The following ANGPT2 variants were observed in gnomAD, a reference collection of about 807,000 sequenced individuals.
The protein encoded by ANGPT2 is angiopoietin 2.
In ANGPT2, 28 loss-of-function variants were observed where a neutral mutation model predicts 62.9. The ratio of observed to expected loss-of-function variants is 0.44; its 90% CI spans 0.33 to 0.61. The LOEUF (loss-of-function observed/expected upper bound fraction) is 0.61. Ranked by LOEUF, ANGPT2 falls within the 20% of genes least tolerant of loss-of-function variation. The probability of loss-of-function intolerance (pLI) is 0.03; values close to 1 mark genes in which losing one functional copy is unlikely to be tolerated. For synonymous variants in ANGPT2, 284 were observed against 207.8 expected, an observed-to-expected ratio of 1.37 and a Z score of -3.15; for missense variants, 727 against 594.9, an observed-to-expected ratio of 1.22 and a Z score of -2.31.
chr8:6,503,268 A>C lies in ANGPT2; in HGVS notation c.1328-7T>G. On this transcript the variant is annotated splice_region_variant and splice_polypyrimidine_tract_variant and intron_variant, in intron 8 of 8. Transcript: ENST00000629816. ...CATGCATCAAACCACCAGCCTGTGA[A>C]AGTAAAACACAGAAGGAATTAGGAA... The C allele has an allele frequency of 6.2e-7, 1 of 1,614,074 alleles. No homozygotes were observed. Among genetic ancestry groups the C allele is most frequent in the Non-Finnish European group, 8.5e-7 (1 of 1,180,004 alleles).
intron 7 of ANGPT2, 41 bp from the exon 8 acceptor site, chr8:6,509,103 A>T: frequency 6.3e-7 from 1 of 1,596,892 alleles, no homozygotes. Context: ...GGCTAGGGTC[A>T]TTGATTTACC....
chr8:6,528,105 C>G (rs551941295), intron 2 of ANGPT2, among the ~76,000 whole-genome samples: 20 of 152,194 alleles, frequency 1.3e-4, no homozygotes, highest in African/African-American at 4.8e-4. Flanking sequence ...CCATGTTGGC[C>G]AGGCTGGTCT....
At position 6,521,270 on chromosome 8, in the gene ANGPT2, G is replaced by A. The variant is rs1319667380; in HGVS notation, c.707C>T (p.Thr236Ile). Residue 236 changes from threonine to isoleucine, a missense_variant, in exon 4 of 9, where the codon ACT (threonine) becomes ATT (isoleucine). Coordinates refer to ENST00000629816, the MANE Select transcript of ANGPT2 (RefSeq NM_001118887.2). ...AAGAACTGAATTATTCACCGTGGCA[G>A]TCACTATTTTTTTTTCTAGTTCTTC... ...IIEELEKKIV[T>I]ATVNNSVLQK... 3 of 1,613,900 alleles carry A rather than the reference G, an allele frequency of 1.9e-6. No homozygotes were observed. Among genetic ancestry groups the A allele is most frequent in the South Asian group, 2.2e-5 (2 of 91,076 alleles).
intron 7 of ANGPT2, 131 bp downstream of exon 7, chr8:6,513,547 A>G (rs1815624120): frequency 1.7e-6 from 1 of 580,960 alleles, no homozygotes; most frequent in East Asian, 3.6e-5. Context: ...GTTTGCCAGG[A>G]TGGTCTCAAT....
chr8:6,556,573 G>T (rs1824645519), intron 1 of ANGPT2, among the ~76,000 whole-genome samples: 1 of 152,022 alleles, frequency 6.6e-6, no homozygotes, highest in African/African-American at 2.4e-5. Context: ...TCTGACCAAA[G>T]CATAGTGTCC....
intron 7 of ANGPT2, among the ~76,000 whole-genome samples, chr8:6,513,025 C>A (rs1425246128): frequency 1.3e-5 from 2 of 152,208 alleles, no homozygotes; most frequent in African/African-American, 2.4e-5. Flanking sequence ...CACAAGTATC[C>A]ATCATTTATG....
rs186036129 is a variant in ANGPT2 at position 6,556,100 on chromosome 8, A to T, written c.288+6547T>A. On this transcript the variant is annotated intron_variant, in intron 1 of 8. Transcript: ENST00000629816. ...TCCCAGTGGGCGAGAATTGCTGCCA[A>T]GACTAACCAAGGGTGTCAACCAGTG... is the stretch of plus-strand genomic sequence containing the variant. Among the ~76,000 whole-genome samples, 94 of 152,242 alleles carry T rather than the reference A, an allele frequency of 6.2e-4. No homozygotes were observed. The East Asian group carries it at 0.018, about 29-fold the overall frequency.
At chr8:6,539,839 G>C (rs1821217014) in intron 1 of ANGPT2, among the ~76,000 whole-genome samples, 1 of 152,148 alleles carries the variant, frequency 6.6e-6, no homozygotes, top group Admixed American at 6.5e-5. Context: ...TGCCTGCCTT[G>C]GCCTCCCAAA....
rs770855562 is a variant in ANGPT2 at position 6,563,197 on chromosome 8, A to G, written c.-263T>C. 9.4e-6 allele frequency: 3 copies of G among 319,662 alleles called. No homozygotes were observed. Among genetic ancestry groups the G allele is most frequent in the Admixed American group, 4.1e-5 (1 of 24,430 alleles). The allele number at this position is 319,662 out of a possible 1,614,324, so 19.8% of individuals were successfully genotyped here. A position where few individuals can be genotyped will look rare whatever the true frequency, so the allele number is the denominator to read the frequency against. On this transcript the variant is annotated 5_prime_UTR_variant, in exon 1 of 9. Coordinates refer to ENST00000629816, the MANE Select transcript of ANGPT2 (RefSeq NM_001118887.2). ...AGGGCTGTGTCAGCTTTTACAGAGC[A>G]GCTTTCACGGTCCTTTGTTCCTCTC...
chr8:6,562,503 G>A (rs1825683644), intron 1 of ANGPT2, 144 bp downstream of exon 1: 1 of 634,752 alleles, frequency 1.6e-6, no homozygotes, highest in Non-Finnish European at 2.4e-6. Flanking sequence ...TCTTTCATTT[G>A]AGGGTACCAG....
At position 6,499,821 on chromosome 8, in the gene ANGPT2, A is replaced by G. The variant is rs376468118; in HGVS notation, c.*3280T>C. 7.5e-6 allele frequency: 12 copies of G among 1,601,496 alleles called. No individual in the cohort carries two copies. Among genetic ancestry groups the G allele is most frequent in the East Asian group, 2.2e-5 (1 of 44,804 alleles). On this transcript the variant is annotated 3_prime_UTR_variant, in exon 9 of 9. Coordinates refer to ENST00000629816, the MANE Select transcript of ANGPT2 (RefSeq NM_001118887.2). ...ATTGCCTGCTAAGGCTAATAAATGT[A>G]TAATAAATCTGCTTGTTGTGTCACT...
At chr8:6,555,967 C>G (rs1441455920) in intron 1 of ANGPT2, among the ~76,000 whole-genome samples, 1 of 152,116 alleles carries the variant, frequency 6.6e-6, no homozygotes, top group Admixed American at 6.5e-5. Context: ...GAGGTGAGAA[C>G]AAAGCTGTGC....
chr8:6,528,605 A>ACCT (rs1818831595), intron 2 of ANGPT2, among the ~76,000 whole-genome samples: 1 of 152,200 alleles, frequency 6.6e-6, no homozygotes, highest in African/African-American at 2.4e-5. Context: ...GGCCTTTGTG[A>ACCT]GCTACTGCGT....
intron 1 of ANGPT2, among the ~76,000 whole-genome samples, chr8:6,551,924 T>G: frequency 6.6e-6 from 1 of 152,358 alleles, no homozygotes; most frequent in Non-Finnish European, 1.5e-5. Context: ...AATAATTTTT[T>G]GAGATTCCAA....
intron 1 of ANGPT2, among the ~76,000 whole-genome samples, chr8:6,535,722 A>T (rs1820362711): frequency 6.6e-6 from 1 of 152,160 alleles, no homozygotes; most frequent in Non-Finnish European, 1.5e-5. Context: ...AGAACCAAAA[A>T]TGTGCAGTAG....
At chr8:6,534,288 T>C (rs1220071676) in intron 1 of ANGPT2, among the ~76,000 whole-genome samples, 4 of 152,158 alleles carry the variant, frequency 2.6e-5, no homozygotes, top group Non-Finnish European at 4.4e-5. Flanking sequence ...GCATTGACAT[T>C]GTGTTAGGTA....
At chr8:6,540,801 T>A (rs1208426789) in intron 1 of ANGPT2, among the ~76,000 whole-genome samples, 3 of 152,254 alleles carry the variant, frequency 2.0e-5, no homozygotes, top group Non-Finnish European at 2.9e-5. Context: ...AGCGCAGCCA[T>A]GCCGAACAGG....
intron 1 of ANGPT2, 75 bp downstream of exon 1, chr8:6,562,572 G>GTTTTTAAAAAA: frequency 2.3e-5 from 1 of 42,832 alleles, no homozygotes. Flanking sequence ...TTTTTTTTTT[G>GTTTTTAAAAAA]GTTGTTAAAA....
rs1250200925 is a variant in ANGPT2, at chr8:6,563,009, G to A, written c.-75C>T. 2.0e-6 allele frequency: 3 copies of A among 1,481,420 alleles called. No individual in the cohort carries two copies. Among genetic ancestry groups the A allele is most frequent in the African/African-American group, 1.4e-5 (1 of 71,376 alleles). 91.8% of individuals were successfully genotyped at this position (1,481,420 alleles called of 1,614,324 possible). On this transcript the variant is annotated 5_prime_UTR_variant, in exon 1 of 9. The change creates a new upstream start codon in the 5' untranslated region. Coordinates refer to ENST00000629816, the MANE Select transcript of ANGPT2 (RefSeq NM_001118887.2). ...ACGTCCAGAGTCCCGAGCTGCTGCC[G>A]TCTAAAACGCAGGGCTGCTACGCTG...
Sources: allele counts gnomAD v4.1 joint callset (sites outside exome capture counted in the v4.1 genomes callset), GRCh38; gene constraint gnomAD v4.1.1; transcripts MANE v1.5; gene names NCBI Gene and HGNC (gene_info 2026-07-23, HGNC 2026-07-21).